Variants in LARGE1 observed in about 807,000 individuals in gnomAD.
LARGE1 encodes LARGE xylosyl- and glucuronyltransferase 1, also known as xylosyl- and glucuronyltransferase LARGE1.
Under a neutral mutation model 87.6 loss-of-function variants are expected in LARGE1, and 43 were observed. The ratio of observed to expected loss-of-function variants is 0.49; its 90% CI spans 0.38 to 0.63. The LOEUF is 0.63. Among genes scored for constraint, LARGE1 ranks in the 30% least tolerant of loss-of-function variants. The pLI is 0.00. For synonymous variants in LARGE1, 434 were observed against 394.6 expected, an observed-to-expected ratio of 1.10 and a Z score of -1.18; for missense variants, 802 against 1,000.2, an observed-to-expected ratio of 0.80 and a Z score of 2.67.
In LARGE1 at chr22:33,816,729, C is replaced by CAGATAGAT. The variant is rs1457590222; in HGVS notation, c.-82-55172_-82-55171insATCTATCT. 5.2e-3 allele frequency among the ~76,000 whole-genome samples: 774 copies of CAGATAGAT among 150,218 alleles called. 7 individuals are homozygous for CAGATAGAT. Among genetic ancestry groups the CAGATAGAT allele is most frequent in the African/African-American group, 0.018 (731 of 40,282 alleles). On this transcript the variant is annotated intron_variant, in intron 1 of 14. Transcript: ENST00000397394. ...ACAGACAGACAGACAGACAGACAGA[C>CAGATAGAT]AGACAGATACAGAAAGACAGATACA... is the stretch of plus-strand genomic sequence containing the variant.
At position 33,483,126 on chromosome 22, in the gene LARGE1, A is replaced by C. The variant is rs543494051; in HGVS notation, c.788-50861T>G. Among the ~76,000 whole-genome samples the C allele has an allele frequency of 2.6e-5, 4 of 152,256 alleles. No individual in the cohort carries two copies. In the South Asian group the frequency reaches 8.3e-4, roughly 32 times the overall value. ...ACCTCCTTTCTACTTGTAAAATTTC[A>C]ATCTTTTCAAAAGTCTTGGCTGGCC... On this transcript the variant is annotated intron_variant, in intron 6 of 14. Transcript: ENST00000397394.
In LARGE1 at chr22:33,806,777, C is replaced by T. The variant is rs1357521704; in HGVS notation, c.-82-45219G>A. 5.9e-5 allele frequency among the ~76,000 whole-genome samples: 9 copies of T among 152,188 alleles called. No individual in the cohort carries two copies. The South Asian group carries it at 1.5e-3, about 25-fold the overall frequency. On this transcript the variant is annotated intron_variant, in intron 1 of 14. Transcript: ENST00000397394. ...CTGTAATCTCAGCGCTTTGGGAGGC[C>T]GAGGCAGGCGGATCACGAGGTCAAG...
chr22:33,757,866 T>C (rs482565), intron 2 of LARGE1, among the ~76,000 whole-genome samples: 126,445 of 151,884 alleles, frequency 0.83, 52,816 homozygotes, highest in East Asian at 0.97. Context: ...CTGTTGTCTG[T>C]AGCAACCAGC....
At chr22:33,811,466 A>C (rs1287669838) in intron 1 of LARGE1, among the ~76,000 whole-genome samples, 1 of 152,194 alleles carries the variant, frequency 6.6e-6, no homozygotes, top group Non-Finnish European at 1.5e-5. Flanking sequence ...CATTTGCATG[A>C]GCTTCAGTTC....
the LARGE1 span, among the ~76,000 whole-genome samples, chr22:33,104,917 T>C: frequency 1.4e-4 from 11 of 77,392 alleles, no homozygotes; most frequent in Admixed American, 4.2e-4. Flanking sequence ...CTTTCTTTCT[T>C]TCTTTCTTTC....
chr22:33,503,242 C>T (rs942700768), intron 6 of LARGE1, among the ~76,000 whole-genome samples: 31 of 142,854 alleles, frequency 2.2e-4, no homozygotes, highest in Non-Finnish European at 1.4e-4. Context: ...AGGAGTTCCC[C>T]TTTTTTTTTT....
At chr22:33,085,614 T>C in the LARGE1 span, among the ~76,000 whole-genome samples, 1 of 152,250 alleles carries the variant, frequency 6.6e-6, no homozygotes, top group East Asian at 1.9e-4. Flanking sequence ...AAATTTGTCT[T>C]GTCATTTTTG....
chr22:33,508,648 G>T (rs1162654100), intron 6 of LARGE1, among the ~76,000 whole-genome samples: 1 of 152,152 alleles, frequency 6.6e-6, no homozygotes, highest in African/African-American at 2.4e-5. Context: ...GTACATCCAT[G>T]ACATCCTATC....
At chr22:33,517,826 C>G (rs2071386519) in intron 6 of LARGE1, among the ~76,000 whole-genome samples, 2 of 152,196 alleles carry the variant, frequency 1.3e-5, no homozygotes, top group South Asian at 4.1e-4. Flanking sequence ...GTCTGTATCC[C>G]ACAGATACAA....
chr22:33,571,402 G>A (rs913476823), intron 5 of LARGE1, among the ~76,000 whole-genome samples: 5 of 152,192 alleles, frequency 3.3e-5, no homozygotes, highest in African/African-American at 1.2e-4. Context: ...AGCAGTATGA[G>A]CATGGAGGCA....
At chr22:33,425,573 A>C (rs1049179548) in intron 7 of LARGE1, among the ~76,000 whole-genome samples, 1 of 152,214 alleles carries the variant, frequency 6.6e-6, no homozygotes, top group Non-Finnish European at 1.5e-5. Context: ...ATTTCTATTG[A>C]GCACGATGTC....
intron 5 of LARGE1, among the ~76,000 whole-genome samples, chr22:33,570,843 C>A (rs891872506): frequency 1.3e-5 from 2 of 151,900 alleles, no homozygotes; most frequent in Non-Finnish European, 2.9e-5. Flanking sequence ...CATTTCCATG[C>A]CGCAACACAC....
intron 12 of LARGE1, among the ~76,000 whole-genome samples, chr22:33,294,814 A>G (rs1370317761): frequency 1.3e-5 from 2 of 152,166 alleles, no homozygotes; most frequent in Non-Finnish European, 2.9e-5. Context: ...CAGTAAGTGT[A>G]TAGGGAATGG....
intron 10 of LARGE1, among the ~76,000 whole-genome samples, chr22:33,337,386 T>C (rs1938587285): frequency 6.6e-6 from 1 of 152,202 alleles, no homozygotes; most frequent in Non-Finnish European, 1.5e-5. Flanking sequence ...TTGTTCATTC[T>C]GTTTCCTCTG....
chr22:33,819,416 C>T (rs1601693607), intron 1 of LARGE1, among the ~76,000 whole-genome samples: 1 of 152,172 alleles, frequency 6.6e-6, no homozygotes, highest in East Asian at 1.9e-4. Flanking sequence ...CTAACAATCT[C>T]AGGTTTTTCT....
intron 2 of LARGE1, among the ~76,000 whole-genome samples, chr22:33,691,129 T>A (rs2082086141): frequency 6.6e-6 from 1 of 152,132 alleles, no homozygotes; most frequent in Admixed American, 6.5e-5. Context: ...TTGCTATGGA[T>A]GTCATTGAAA....
In LARGE1 at chr22:33,460,426, T is replaced by C. The variant is rs752788607; in HGVS notation, c.788-28161A>G. Among the ~76,000 whole-genome samples the C allele has an allele frequency of 6.6e-5, 10 of 152,198 alleles. No homozygotes were observed. In the South Asian group the frequency reaches 1.0e-3, roughly 16 times the overall value. On this transcript the variant is annotated intron_variant, in intron 6 of 14. Transcript: ENST00000397394. ...CTGGGTAGTTTGGTGTCTGATACCA[T>C]AGAGAAAAATAAATCATGGAAAACA...
At chr22:33,816,101 T>C (rs139071646) in intron 1 of LARGE1, among the ~76,000 whole-genome samples, 16 of 152,218 alleles carry the variant, frequency 1.1e-4, no homozygotes, top group African/African-American at 3.9e-4. Context: ...ATAAAAAAGG[T>C]CTAAGAGTGA....
At position 33,537,610 on chromosome 22, in the gene LARGE1, A is replaced by T. The variant is rs147461609; in HGVS notation, c.787+27238T>A. 3.1e-3 allele frequency among the ~76,000 whole-genome samples: 474 copies of T among 152,172 alleles called. 2 individuals carry two copies. The highest frequency in any genetic ancestry group is 0.011 in the African/African-American group (446 of 41,512). Reference sequence around the variant, plus strand: ...TAAGACGGAGGCTTGTCTGTCACCCAGGCTGGAGTGCAATGGCGCAGTCTC... The same window carrying T: ...TAAGACGGAGGCTTGTCTGTCACCCTGGCTGGAGTGCAATGGCGCAGTCTC... On this transcript the variant is annotated intron_variant, in intron 6 of 14. Coordinates refer to ENST00000397394, the MANE Select transcript of LARGE1 (RefSeq NM_133642.5).
Sources: gnomAD v4.1 joint callset for allele counts (sites outside exome capture counted in the v4.1 genomes callset) on GRCh38, gnomAD v4.1.1 for gene constraint, MANE v1.5 for transcripts, NCBI Gene and HGNC (gene_info 2026-07-23, HGNC 2026-07-21) for gene names.